The following NINJ2 variants were observed in gnomAD, a reference collection of about 807,000 sequenced individuals.
The protein encoded by NINJ2 is ninjurin-2.
A neutral mutation model predicts 11.7 loss-of-function variants in NINJ2; 12 were observed. The observed-to-expected ratio is 1.02, with a 90% CI of 0.66 to 1.66. The LOEUF is 1.66. Ranked by LOEUF, NINJ2 falls within the 40% of genes most tolerant of loss-of-function variation. The pLI, the probability that NINJ2 is intolerant of heterozygous loss-of-function variation, is 0.00. For synonymous variants in NINJ2, 93 were observed against 76.8 expected, an observed-to-expected ratio of 1.21 and a Z score of -1.10; for missense variants, 187 against 181.8, an observed-to-expected ratio of 1.03 and a Z score of -0.16.
At chr12:595,857 A>G (rs935702660) in intron 1 of NINJ2, among the ~76,000 whole-genome samples, 8 of 152,368 alleles carry the variant, frequency 5.3e-5, no homozygotes, top group Admixed American at 2.6e-4. Context: ...GATTTGAAAA[A>G]ATAGGCCAAA....
At chr12:567,029 G>A (rs1241879827) in intron 1 of NINJ2, among the ~76,000 whole-genome samples, 1 of 152,208 alleles carries the variant, frequency 6.6e-6, no homozygotes, top group African/African-American at 2.4e-5. Flanking sequence ...AGTGGTGCTT[G>A]GAACAGACTG....
intron 1 of NINJ2, among the ~76,000 whole-genome samples, chr12:599,911 T>C (rs975383227): frequency 1.3e-5 from 2 of 152,148 alleles, no homozygotes; most frequent in Non-Finnish European, 1.5e-5. Flanking sequence ...GCACTCAGGA[T>C]ACCTCTGATG....
chr12:636,849 AAGTT>A (rs1257350355), intron 1 of NINJ2, among the ~76,000 whole-genome samples: 20 of 152,292 alleles, frequency 1.3e-4, no homozygotes, highest in Admixed American at 9.8e-4. Context: ...GTTCCTCAAA[AAGTT>A]AGAGAATTAC....
intron 1 of NINJ2, among the ~76,000 whole-genome samples, chr12:575,586 T>C (rs762933157): frequency 6.6e-5 from 10 of 152,170 alleles, no homozygotes; most frequent in Non-Finnish European, 1.3e-4. Context: ...CCTTGGGCGT[T>C]GTTGAGTCCT....
At position 564,440 on chromosome 12, in the gene NINJ2, T is replaced by A. The variant is rs1947262065; in HGVS notation, c.*260A>T. 6.6e-6 allele frequency: 1 copy of A among 152,252 alleles called. No individual in the cohort carries two copies. Among genetic ancestry groups the A allele is most frequent in the South Asian group, 2.1e-4 (1 of 4,838 alleles). The allele number at this position is 152,252 out of a possible 1,614,324, so 9.4% of individuals were successfully genotyped here. ...TTGGCCTTAGACAGACATGCCTTAC[T>A]TAGGTCCAGCAGATGCTACCAGGAA... On this transcript the variant is annotated 3_prime_UTR_variant, in exon 4 of 4. Coordinates refer to ENST00000305108, the MANE Select transcript of NINJ2 (RefSeq NM_016533.6).
intron 1 of NINJ2, among the ~76,000 whole-genome samples, chr12:603,742 C>A (rs1414759090): frequency 6.6e-6 from 1 of 151,850 alleles, no homozygotes; most frequent in Non-Finnish European, 1.5e-5. Flanking sequence ...CTCAGTGCAA[C>A]CTCTGCCTCC....
chr12:629,640 C>A (rs1948247572), intron 1 of NINJ2, among the ~76,000 whole-genome samples: 1 of 151,766 alleles, frequency 6.6e-6, no homozygotes, highest in Non-Finnish European at 1.5e-5. Context: ...GTAATCCCAG[C>A]ACTTTGGGAG....
At chr12:592,807 C>A (rs575657207) in intron 1 of NINJ2, among the ~76,000 whole-genome samples, 1 of 152,152 alleles carries the variant, frequency 6.6e-6, no homozygotes, top group Non-Finnish European at 1.5e-5. Context: ...TAAATACTGT[C>A]ATTATAAAAA....
At position 581,937 on chromosome 12, in the gene NINJ2, C is replaced by T. The variant is rs184792441; in HGVS notation, c.34-15759G>A. On this transcript the variant is annotated intron_variant, in intron 1 of 3. Transcript: ENST00000305108. The surrounding 1 kb of genome is among the most constrained non-coding windows in gnomAD (Gnocchi z 4.9). ...GCGGACGCTGAACACACAAAAAGCC[C>T]AGCCCTGGAGGGATTCCAATCCACA... 2.4e-3 allele frequency among the ~76,000 whole-genome samples: 360 copies of T among 152,332 alleles called. 1 individual carries two copies. The highest frequency in any genetic ancestry group is 3.6e-3 in the Non-Finnish European group (245 of 68,022).
At chr12:625,083 C>T (rs1040543041) in intron 1 of NINJ2, among the ~76,000 whole-genome samples, 2 of 99,188 alleles carry the variant, frequency 2.0e-5, no homozygotes, top group Non-Finnish European at 3.8e-5. Flanking sequence ...GCCTGGGCAA[C>T]AAGAGAGAGA....
rs535493575 is a variant in NINJ2 at position 581,655 on chromosome 12, G to A, written c.34-15477C>T. ...GGGCCAGGGTCTGCTCTGGGGAGAA[G>A]GTAAGCAGGGGAGGGCCGGCAAGTG... is the stretch of plus-strand genomic sequence containing the variant. On this transcript the variant is annotated intron_variant, in intron 1 of 3. Coordinates refer to ENST00000305108, the MANE Select transcript of NINJ2 (RefSeq NM_016533.6). This position sits in a 1 kb window ranked among gnomAD's most constrained non-coding sequence, Gnocchi z 4.9. 1.5e-3 allele frequency among the ~76,000 whole-genome samples: 225 copies of A among 152,264 alleles called. 2 individuals are homozygous for A. Among genetic ancestry groups the A allele is most frequent in the African/African-American group, 5.3e-3 (220 of 41,542 alleles).
At chr12:651,478 C>T (rs1013081945) in intron 1 of NINJ2, among the ~76,000 whole-genome samples, 1 of 152,222 alleles carries the variant, frequency 6.6e-6, no homozygotes, top group African/African-American at 2.4e-5. Context: ...AACACTTCCC[C>T]TCCCCTCACA....
chr12:609,789 A>AAAAAAAAAAAAAAAAAAAAAAG (rs71439346), intron 1 of NINJ2, among the ~76,000 whole-genome samples: 2 of 116,628 alleles, frequency 1.7e-5, no homozygotes, highest in Non-Finnish European at 3.7e-5. Context: ...AAAAAAAAAT[A>AAAAAAAAAAAAAAAAAAAAAAG]GGGAAAACAA....
intron 1 of NINJ2, among the ~76,000 whole-genome samples, chr12:657,031 C>T (rs1456719272): frequency 6.6e-6 from 1 of 152,046 alleles, no homozygotes; most frequent in Non-Finnish European, 1.5e-5. Context: ...ATGTAAAATG[C>T]GAAACTATAA....
chr12:637,464 AC>A (rs548353487), intron 1 of NINJ2, among the ~76,000 whole-genome samples: 51 of 151,240 alleles, frequency 3.4e-4, no homozygotes, highest in African/African-American at 1.2e-3. Context: ...ACACGGTGAA[AC>A]CCCCGTCTCT....
intron 1 of NINJ2, among the ~76,000 whole-genome samples, chr12:639,303 C>CT (rs1948392470): frequency 6.6e-6 from 1 of 152,104 alleles, no homozygotes; most frequent in South Asian, 2.1e-4. Context: ...GCTCATAGTG[C>CT]TTTACATGAA....
At chr12:617,213 A>G (rs1240782012) in intron 1 of NINJ2, among the ~76,000 whole-genome samples, 1 of 151,480 alleles carries the variant, frequency 6.6e-6, no homozygotes, top group Non-Finnish European at 1.5e-5. Context: ...CAAAAACAAA[A>G]AAGTGTGTTC....
intron 1 of NINJ2, chr12:642,978 C>A: frequency 6.6e-6 from 1 of 150,392 alleles, no homozygotes; most frequent in South Asian, 1.8e-4. Context: ...CCGGCCCTCC[C>A]TCCCCAGCTG....
intron 1 of NINJ2, among the ~76,000 whole-genome samples, chr12:597,039 T>A (rs1048560595): frequency 6.6e-6 from 1 of 152,188 alleles, no homozygotes; most frequent in African/African-American, 2.4e-5. Flanking sequence ...GTCATAACTA[T>A]TACAAATTTA....
Sources: allele counts gnomAD v4.1 joint callset (sites outside exome capture counted in the v4.1 genomes callset), GRCh38; gene constraint gnomAD v4.1.1; non-coding constraint Gnocchi (gnomAD v3.1); transcripts MANE v1.5; gene names NCBI Gene and HGNC (gene_info 2026-07-23, HGNC 2026-07-21).